The following ADGB variants were observed in gnomAD, a reference collection of about 807,000 sequenced individuals.
ADGB encodes androglobin, also known as calpain-7-like protein.
A neutral mutation model predicts 210.5 loss-of-function variants in ADGB; 172 were observed. The observed-to-expected ratio is 0.82, with a 90% CI of 0.72 to 0.93. The LOEUF (loss-of-function observed/expected upper bound fraction) is 0.93, where lower values mean the gene tolerates loss of function less well. Ranked by LOEUF, ADGB falls within the 40% of genes least tolerant of loss-of-function variation. ADGB has a pLI of 0.00. For synonymous variants in ADGB, 658 were observed against 662.7 expected (o/e 0.99, Z 0.11); for missense variants, 2,025 against 1,964.8 (o/e 1.03, Z -0.58).
intron 16 of ADGB, among the ~76,000 whole-genome samples, chr6:146,720,886 A>C (rs184350597): frequency 6.6e-6 from 1 of 152,292 alleles, no homozygotes; most frequent in Non-Finnish European, 1.5e-5. Context: ...ATCTGACATG[A>C]GATTTGGGTG....
intron 5 of ADGB, among the ~76,000 whole-genome samples, chr6:146,657,613 C>G (rs1775803561): frequency 6.6e-6 from 1 of 152,188 alleles, no homozygotes; most frequent in African/African-American, 2.4e-5. Flanking sequence ...CACTCTCATG[C>G]TGAGGCGAGC....
intron 23 of ADGB, among the ~76,000 whole-genome samples, chr6:146,739,613 G>T (rs1037531859): frequency 1.4e-4 from 21 of 152,234 alleles, no homozygotes; most frequent in African/African-American, 5.1e-4. Context: ...GACCACCATG[G>T]CTTTGCTTTC....
In ADGB at chr6:146,639,793, C is replaced by T. The variant is rs1257771268; in HGVS notation, c.237+4256C>T. The T allele has an allele frequency of 2.6e-4, 39 of 151,914 alleles. 1 individual carries two copies. The highest frequency in any genetic ancestry group is 2.6e-3 in the Admixed American group (39 of 15,224). The allele number at this position is 151,914 out of a possible 1,614,324, so 9.4% of individuals were successfully genotyped here. A position where few individuals can be genotyped will look rare whatever the true frequency, so the allele number is the denominator to read the frequency against. On this transcript the variant is annotated intron_variant, in intron 2 of 35. Transcript: ENST00000397944. Reference sequence around the variant, plus strand: ...AAGCATGCCTCCTGCACAAGCATGGCACACAAATTCGTGAAGAGGTCCGTA... The same window carrying T: ...AAGCATGCCTCCTGCACAAGCATGGTACACAAATTCGTGAAGAGGTCCGTA...
chr6:146,720,300 T>C (rs1431022115), intron 16 of ADGB, among the ~76,000 whole-genome samples: 1 of 152,056 alleles, frequency 6.6e-6, no homozygotes, highest in Admixed American at 6.5e-5. Context: ...GTAAATAGCT[T>C]ACCCTTTCTG....
chr6:146,760,718 C>T (rs1050167357), intron 27 of ADGB, among the ~76,000 whole-genome samples: 7 of 151,792 alleles, frequency 4.6e-5, no homozygotes, highest in South Asian at 2.1e-4. Context: ...TTTACATTCC[C>T]GACAAGGTAT....
chr6:146,614,078 TTAACTGTGTATGAAAAGTTTAG>T (rs1780750176), intron 1 of ADGB, among the ~76,000 whole-genome samples: 1 of 152,030 alleles, frequency 6.6e-6, no homozygotes, highest in Non-Finnish European at 1.5e-5. Context: ...CGATTTAAAT[TTAACTGTGTATGAAAAGTTTAG>T]TAACAGATAT....
chr6:146,742,949 A>G (rs1006641835), intron 25 of ADGB, among the ~76,000 whole-genome samples: 2 of 152,150 alleles, frequency 1.3e-5, no homozygotes, highest in Non-Finnish European at 2.9e-5. Flanking sequence ...GCCCAAGACA[A>G]TTCTTCCACT....
chr6:146,637,477 G>A (rs1389866327), intron 2 of ADGB, among the ~76,000 whole-genome samples: 2 of 152,000 alleles, frequency 1.3e-5, no homozygotes, highest in African/African-American at 4.8e-5. Flanking sequence ...CAGCTTGAAG[G>A]CAAAATAAAA....
chr6:146,803,530 T>G, intron 35 of ADGB: 1 of 1,593,278 alleles, frequency 6.3e-7, no homozygotes, highest in South Asian at 1.1e-5. Flanking sequence ...ATCTGGGCTT[T>G]TCACAGTTTG....
At position 146,771,377 on chromosome 6, in the gene ADGB, A is replaced by C. The variant is rs145356781; in HGVS notation, c.3862+2246A>C. 3.2e-4 allele frequency among the ~76,000 whole-genome samples: 49 copies of C among 152,152 alleles called. No individual in the cohort carries two copies. The East Asian group carries it at 8.7e-3, about 27-fold the overall frequency. On this transcript the variant is annotated intron_variant, in intron 29 of 35. Coordinates refer to ENST00000397944, the MANE Select transcript of ADGB (RefSeq NM_024694.4). ...ACCCACCAAGTTCTAATGGAAAATA[A>C]ATGAAAAAAAAAAATCAGTTGTTTA...
At chr6:146,753,319 A>T (rs767908798) in intron 27 of ADGB, among the ~76,000 whole-genome samples, 16 of 152,056 alleles carry the variant, frequency 1.1e-4, no homozygotes, top group Non-Finnish European at 1.8e-4. Context: ...GCCAAAACAC[A>T]CTAAATATTT....
rs142602820 is a variant in ADGB at position 146,718,921 on chromosome 6, C to T, written c.1992+1322C>T. Among the ~76,000 whole-genome samples the T allele has an allele frequency of 8.5e-4, 118 of 139,428 alleles. 2 individuals carry two copies. The East Asian group carries it at 0.022, about 26-fold the overall frequency. 91.5% of individuals were successfully genotyped at this position (139,428 alleles called of 152,430 possible). Reference sequence around the variant, plus strand: ...GTATGTGAAAACACCTAGAGGAATACTTTGACTTTATAGAGATAACACAAC... The same window carrying T: ...GTATGTGAAAACACCTAGAGGAATATTTTGACTTTATAGAGATAACACAAC... On this transcript the variant is annotated intron_variant, in intron 16 of 35. Coordinates refer to ENST00000397944, the MANE Select transcript of ADGB (RefSeq NM_024694.4).
chr6:146,793,416 T>C (rs1777981734), intron 33 of ADGB, among the ~76,000 whole-genome samples: 1 of 152,188 alleles, frequency 6.6e-6, no homozygotes, highest in Non-Finnish European at 1.5e-5. Flanking sequence ...TGATGACCAC[T>C]GTAGCTACTT....
At chr6:146,676,738 A>C (rs968918445) in intron 9 of ADGB, among the ~76,000 whole-genome samples, 1 of 152,174 alleles carries the variant, frequency 6.6e-6, no homozygotes, top group African/African-American at 2.4e-5. Context: ...TGAATTTATC[A>C]TCCAAATTAA....
intron 12 of ADGB, among the ~76,000 whole-genome samples, chr6:146,694,394 G>A (rs992482309): frequency 5.9e-5 from 9 of 152,284 alleles, no homozygotes; most frequent in African/African-American, 2.2e-4. Context: ...AGGGGTGAAT[G>A]AGCTCTCTGG....
At chr6:146,671,152 T>C (rs867023305) in intron 7 of ADGB, among the ~76,000 whole-genome samples, 1 of 152,198 alleles carries the variant, frequency 6.6e-6, no homozygotes, top group African/African-American at 2.4e-5. Context: ...CTGACACTTT[T>C]ACAACCTCCT....
intron 1 of ADGB, among the ~76,000 whole-genome samples, chr6:146,601,231 A>C (rs769403951): frequency 6.6e-6 from 1 of 152,182 alleles, no homozygotes; most frequent in Non-Finnish European, 1.5e-5. Flanking sequence ...TTTCTTTTTG[A>C]GATGGTAATA....
At chr6:146,779,960 G>T (rs1777776056) in intron 29 of ADGB, among the ~76,000 whole-genome samples, 1 of 151,162 alleles carries the variant, frequency 6.6e-6, no homozygotes, top group Admixed American at 6.6e-5. Context: ...CAATATAAAT[G>T]TATTTTTTTT....
At chr6:146,814,434 G>T (rs1242052220) in intron 35 of ADGB, among the ~76,000 whole-genome samples, 1 of 152,192 alleles carries the variant, frequency 6.6e-6, no homozygotes, top group Non-Finnish European at 1.5e-5. Flanking sequence ...TAAGAGCTAA[G>T]TGAAATCAGT....
Sources: gnomAD v4.1 joint callset for allele counts (sites outside exome capture counted in the v4.1 genomes callset) on GRCh38, gnomAD v4.1.1 for gene constraint, MANE v1.5 for transcripts, NCBI Gene and HGNC (gene_info 2026-07-23, HGNC 2026-07-21) for gene names.